The following FNDC3B variants were observed in gnomAD, a reference collection of about 807,000 sequenced individuals.
The protein encoded by FNDC3B is fibronectin type III domain containing 3B.
A neutral mutation model predicts 151.5 loss-of-function variants in FNDC3B; 12 were observed. The ratio of observed to expected loss-of-function variants is 0.08; its 90% CI spans 0.05 to 0.13. The LOEUF is 0.13. FNDC3B is among the 10% of genes least tolerant of loss of function. The pLI is 1.00. For synonymous variants in FNDC3B, 528 were observed against 549.0 expected, an observed-to-expected ratio of 0.96 and a Z score of 0.54; for missense variants, 1,214 against 1,505.3, an observed-to-expected ratio of 0.81 and a Z score of 3.20.
intron 2 of FNDC3B, 67 bp from the exon 3 acceptor site, chr3:172,133,404 G>T: frequency 1.7e-6 from 2 of 1,204,528 alleles, no homozygotes; most frequent in South Asian, 2.5e-5. Context: ...TATAAATTTA[G>T]GTAATAACAC....
chr3:172,372,201 G>A (rs561290867), intron 23 of FNDC3B, among the ~76,000 whole-genome samples: 1 of 152,302 alleles, frequency 6.6e-6, no homozygotes, highest in South Asian at 2.1e-4. Context: ...CCTGCACAGT[G>A]GAGCCCCACA....
At position 172,329,008 on chromosome 3, in the gene FNDC3B, G is replaced by C. The variant is rs750222027; in HGVS notation, c.1311G>C (p.Lys437Asn). 6.2e-7 allele frequency: 1 copy of C among 1,613,700 alleles called. No individual in the cohort carries two copies. The highest frequency in any genetic ancestry group is 8.5e-7 in the Non-Finnish European group (1 of 1,179,840). Residue 437 changes from lysine to asparagine, a missense_variant, in exon 12 of 26, where the codon AAG (lysine) becomes AAC (asparagine). Lys to Asn is a moderately conservative substitution (Grantham distance 94). This residue lies in a region of FNDC3B where 156 missense variants were observed against 225.3 expected (regional missense o/e 0.69). Transcript: ENST00000415807. ...TCTTCGGGAGCCAGAAGCACTGCAAGTTGACAAAGCTTTGTCCGGCAATGG... is the reference window on the plus strand; with the variant it reads ...TCTTCGGGAGCCAGAAGCACTGCAACTTGACAAAGCTTTGTCCGGCAATGG... The part of the protein sequence containing the change: ...QCFFGSQKHC[K>N]LTKLCPAMGY...
intron 23 of FNDC3B, among the ~76,000 whole-genome samples, chr3:172,365,851 G>A (rs997886369): frequency 2.6e-5 from 4 of 152,060 alleles, no homozygotes; most frequent in Non-Finnish European, 4.4e-5. Flanking sequence ...GTATATCTGC[G>A]CTTCATAATT....
chr3:172,043,979 TGTAA>T (rs1460909133), intron 1 of FNDC3B, among the ~76,000 whole-genome samples: 6 of 152,234 alleles, frequency 3.9e-5, no homozygotes, highest in Non-Finnish European at 5.9e-5. Context: ...TTTCAGACTT[TGTAA>T]GTATCAGTAA....
At chr3:172,071,665 TC>T (rs1717777491) in intron 1 of FNDC3B, among the ~76,000 whole-genome samples, 1 of 152,186 alleles carries the variant, frequency 6.6e-6, no homozygotes, top group African/African-American at 2.4e-5. Flanking sequence ...AGTTTTTCTC[TC>T]AAATACCTCA....
rs896570768 is a variant in FNDC3B at position 172,295,302 on chromosome 3, T to G, written c.850-61T>G. ...CTGTGAGCCAGTTTTATGCCACTAC[T>G]AATAATTCTGAAAATGTAAAATGGA... On this transcript the variant is annotated intron_variant, in intron 7 of 25. Coordinates refer to ENST00000415807, the MANE Select transcript of FNDC3B (RefSeq NM_022763.4). 4 of 1,514,112 alleles carry G rather than the reference T, an allele frequency of 2.6e-6. No homozygotes were observed. The African/African-American group carries it at 4.2e-5, about 16-fold the overall frequency. The allele number at this position is 1,514,112 out of a possible 1,614,324, so 93.8% of individuals were successfully genotyped here.
intron 3 of FNDC3B, among the ~76,000 whole-genome samples, chr3:172,155,795 C>G (rs567200753): frequency 8.5e-5 from 13 of 152,290 alleles, no homozygotes; most frequent in Admixed American, 7.2e-4. Context: ...CTCTGATTTT[C>G]TTGAACCATG....
At chr3:172,269,073 G>A (rs1022529135) in intron 6 of FNDC3B, among the ~76,000 whole-genome samples, 1 of 152,122 alleles carries the variant, frequency 6.6e-6, no homozygotes. Context: ...AATCTTAAGT[G>A]GAGAGAATAT....
intron 1 of FNDC3B, among the ~76,000 whole-genome samples, chr3:172,107,976 T>C (rs1465552398): frequency 6.6e-6 from 1 of 152,076 alleles, no homozygotes; most frequent in Non-Finnish European, 1.5e-5. Context: ...GAGACCAGCT[T>C]GGTCAACATA....
chr3:172,298,084 T>C (rs930128975), intron 8 of FNDC3B, among the ~76,000 whole-genome samples: 10 of 152,250 alleles, frequency 6.6e-5, no homozygotes, highest in African/African-American at 2.4e-4. Context: ...ATATTTCTTA[T>C]ACTTTTATGA....
chr3:172,288,686 C>G (rs1730149842), intron 7 of FNDC3B, among the ~76,000 whole-genome samples: 1 of 152,222 alleles, frequency 6.6e-6, no homozygotes, highest in Admixed American at 6.5e-5. Flanking sequence ...TGTAGATCCG[C>G]ATTTATATCT....
At chr3:172,095,373 A>G (rs746883240) in intron 1 of FNDC3B, among the ~76,000 whole-genome samples, 31 of 152,200 alleles carry the variant, frequency 2.0e-4, no homozygotes, top group Non-Finnish European at 2.8e-4. Flanking sequence ...AATAGCTTCT[A>G]GGAGATTCAC....
intron 1 of FNDC3B, among the ~76,000 whole-genome samples, chr3:172,072,546 C>T (rs1374880701): frequency 6.6e-6 from 1 of 152,202 alleles, no homozygotes; most frequent in Non-Finnish European, 1.5e-5. Flanking sequence ...CCACAGTCTA[C>T]CGCATCTGGA....
intron 25 of FNDC3B, among the ~76,000 whole-genome samples, chr3:172,386,466 G>A (rs960729116): frequency 1.3e-5 from 2 of 152,198 alleles, no homozygotes; most frequent in African/African-American, 4.8e-5. Flanking sequence ...CTCTGGGCTG[G>A]GCGCGGTGGC....
chr3:172,359,853 TAATGGAGTTTTTGCTCTGCTTTATCA>T (rs1734283066), intron 22 of FNDC3B, among the ~76,000 whole-genome samples: 1 of 152,194 alleles, frequency 6.6e-6, no homozygotes, highest in African/African-American at 2.4e-5. Flanking sequence ...AGGCCCTTTG[TAATGGAGTTTTTGCTCTGCTTTATCA>T]GAGATGAGTA....
intron 4 of FNDC3B, among the ~76,000 whole-genome samples, chr3:172,234,351 T>C (rs1379398531): frequency 6.6e-6 from 1 of 152,240 alleles, no homozygotes; most frequent in Non-Finnish European, 1.5e-5. Context: ...CATCACTTGA[T>C]CTCTAGTTCC....
intron 1 of FNDC3B, among the ~76,000 whole-genome samples, chr3:172,071,603 G>A (rs796069902): frequency 3.2e-4 from 48 of 152,204 alleles, no homozygotes; most frequent in African/African-American, 1.1e-3. Flanking sequence ...TCTGTGAAGA[G>A]TCTTATGAAA....
chr3:172,183,660 C>G (rs1032657773), intron 3 of FNDC3B, among the ~76,000 whole-genome samples: 5 of 152,136 alleles, frequency 3.3e-5, no homozygotes, highest in Non-Finnish European at 7.4e-5. Context: ...GTTTATATGC[C>G]TTGTCTATTC....
chr3:172,343,979 G>A, intron 18 of FNDC3B, 107 bp from the exon 19 acceptor site: 2 of 962,008 alleles, frequency 2.1e-6, no homozygotes, highest in East Asian at 4.9e-5. Flanking sequence ...GAGATACTGA[G>A]GCCGGCCACC....
Sources: allele counts gnomAD v4.1 joint callset (sites outside exome capture counted in the v4.1 genomes callset), GRCh38; gene constraint gnomAD v4.1.1; regional missense constraint gnomAD v4.1.1; transcripts MANE v1.5; gene names NCBI Gene and HGNC (gene_info 2026-07-23, HGNC 2026-07-21).